CDH4: variants seen among roughly 807,000 people sequenced by gnomAD.
CDH4 encodes the protein cadherin 4, also known as cadherin-4.
Under a neutral mutation model 86.0 loss-of-function variants are expected in CDH4, and 33 were observed. The observed-to-expected ratio is 0.38, with a 90% CI of 0.29 to 0.51. CDH4 has a LOEUF of 0.51. CDH4 is among the 20% of genes least tolerant of loss of function. CDH4 has a pLI of 0.86. For synonymous variants in CDH4, 555 were observed against 549.4 expected (o/e 1.01, Z -0.14); for missense variants, 1,114 against 1,307.4 (o/e 0.85, Z 2.28).
At chr20:61,706,192 G>T (rs2087827883) in intron 2 of CDH4, among the ~76,000 whole-genome samples, 1 of 152,174 alleles carries the variant, frequency 6.6e-6, no homozygotes. Flanking sequence ...CAGCTGCGTT[G>T]CTCCCAGCTT....
intron 2 of CDH4, among the ~76,000 whole-genome samples, chr20:61,653,802 A>G (rs1359131828): frequency 1.2e-5 from 1 of 81,950 alleles, no homozygotes. Flanking sequence ...CCGGGCAGAG[A>G]CGCTCCTCAC....
At chr20:61,726,129 G>T (rs1207444028) in intron 2 of CDH4, among the ~76,000 whole-genome samples, 1 of 150,600 alleles carries the variant, frequency 6.6e-6, no homozygotes, top group African/African-American at 2.5e-5. Flanking sequence ...GGATAGTCTC[G>T]GGGGGGACTG....
intron 2 of CDH4, among the ~76,000 whole-genome samples, chr20:61,460,858 T>G (rs2085438036): frequency 6.6e-6 from 1 of 152,188 alleles, no homozygotes; most frequent in Non-Finnish European, 1.5e-5. Context: ...CCAGCTGTTC[T>G]GTGATTGTTG....
intron 2 of CDH4, among the ~76,000 whole-genome samples, chr20:61,624,315 C>T (rs2086808259): frequency 6.6e-6 from 1 of 152,238 alleles, no homozygotes; most frequent in African/African-American, 2.4e-5. Flanking sequence ...ACAAGTCATC[C>T]TGAAAGCCAT....
intron 6 of CDH4, among the ~76,000 whole-genome samples, chr20:61,867,897 G>A (rs998068756): frequency 2.6e-5 from 4 of 152,188 alleles, no homozygotes; most frequent in Non-Finnish European, 4.4e-5. Flanking sequence ...GCTGAGTTCC[G>A]ATGACTCCGG....
intron 2 of CDH4, among the ~76,000 whole-genome samples, chr20:61,289,076 T>A (rs2084307913): frequency 6.6e-6 from 1 of 152,238 alleles, no homozygotes; most frequent in South Asian, 2.1e-4. Context: ...AGAAGTTGTT[T>A]CTTCCCTAAG....
chr20:61,657,263 A>T (rs1268321428), intron 2 of CDH4, among the ~76,000 whole-genome samples: 2 of 152,194 alleles, frequency 1.3e-5, no homozygotes, highest in Admixed American at 1.3e-4. Flanking sequence ...GCTGCTAACA[A>T]AACAAGGTTG....
intron 2 of CDH4, among the ~76,000 whole-genome samples, chr20:61,461,762 CG>C (rs1043666883): frequency 4.6e-5 from 7 of 152,316 alleles, no homozygotes; most frequent in Non-Finnish European, 7.3e-5. Flanking sequence ...CCAACGGAGA[CG>C]CATGATGTTT....
At chr20:61,652,941 T>TTTTTA (rs1555819724) in intron 2 of CDH4, among the ~76,000 whole-genome samples, 54 of 116,016 alleles carry the variant, frequency 4.7e-4, no homozygotes, top group African/African-American at 1.6e-3. Context: ...TTTATTTATT[T>TTTTTA]TTTTTTTTTT....
At chr20:61,443,595 C>T (rs535351205) in intron 2 of CDH4, among the ~76,000 whole-genome samples, 296 of 152,358 alleles carry the variant, frequency 1.9e-3, no homozygotes, top group African/African-American at 6.9e-3. Context: ...CAGCCCTTTC[C>T]CTATTAGCTG....
intron 2 of CDH4, among the ~76,000 whole-genome samples, chr20:61,431,130 T>C (rs1274307647): frequency 6.6e-6 from 1 of 152,222 alleles, no homozygotes; most frequent in African/African-American, 2.4e-5. Context: ...ACCCAAGGAA[T>C]TCCCACTCCA....
At chr20:61,784,907 G>C (rs1411628910) in intron 4 of CDH4, among the ~76,000 whole-genome samples, 1 of 152,128 alleles carries the variant, frequency 6.6e-6, no homozygotes, top group African/African-American at 2.4e-5. Context: ...GCAAGTGCAG[G>C]CTGGATCCTG....
intron 2 of CDH4, among the ~76,000 whole-genome samples, chr20:61,430,306 C>A (rs560605878): frequency 6.6e-6 from 1 of 152,104 alleles, no homozygotes; most frequent in East Asian, 1.9e-4. Context: ...GAGAAGGGGG[C>A]GATATGTTTT....
At chr20:61,538,288 G>A (rs576693949) in intron 2 of CDH4, among the ~76,000 whole-genome samples, 7 of 152,256 alleles carry the variant, frequency 4.6e-5, no homozygotes, top group Non-Finnish European at 7.4e-5. Flanking sequence ...AGCTGTGCCC[G>A]TCACTCTGGG....
intron 4 of CDH4, among the ~76,000 whole-genome samples, chr20:61,838,012 C>T (rs1246131640): frequency 6.6e-6 from 1 of 152,058 alleles, no homozygotes; most frequent in Non-Finnish European, 1.5e-5. Flanking sequence ...CCATCCCCAC[C>T]TTTCTCTGCC....
rs1461423812 is a variant in CDH4, at chr20:61,518,733, T to C, written c.170-224830T>C. Among the ~76,000 whole-genome samples the C allele has an allele frequency of 6.6e-6, 1 of 151,530 alleles. No homozygotes were observed. Among genetic ancestry groups the C allele is most frequent in the Non-Finnish European group, 1.5e-5 (1 of 67,884 alleles). Reference sequence around the variant, plus strand: ...AATCATCCATCCGTTCATCCACCCATCATCCATTCATCCATCCATTCGTAC... The same window carrying C: ...AATCATCCATCCGTTCATCCACCCACCATCCATTCATCCATCCATTCGTAC... On this transcript the variant is annotated intron_variant, in intron 2 of 15. Coordinates refer to ENST00000614565, the MANE Select transcript of CDH4 (RefSeq NM_001794.5). This position sits in a 1 kb window ranked among gnomAD's most constrained non-coding sequence, Gnocchi z 6.3.
At chr20:61,319,820 G>C (rs893198075) in intron 2 of CDH4, among the ~76,000 whole-genome samples, 1 of 151,782 alleles carries the variant, frequency 6.6e-6, no homozygotes, top group Admixed American at 6.6e-5. Flanking sequence ...CAGGCGTGGT[G>C]TCAGGCACCT....
At chr20:61,596,787 C>T (rs1227756505) in intron 2 of CDH4, among the ~76,000 whole-genome samples, 1 of 152,174 alleles carries the variant, frequency 6.6e-6, no homozygotes, top group African/African-American at 2.4e-5. Flanking sequence ...TTTCCAGACT[C>T]CTTCCCACCC....
intron 8 of CDH4, among the ~76,000 whole-genome samples, chr20:61,900,136 G>A (rs1295842234): frequency 2.0e-5 from 3 of 152,208 alleles, no homozygotes; most frequent in African/African-American, 7.2e-5. Context: ...GGCTGACCCA[G>A]GGCAGCTCTC....
Sources: allele counts gnomAD v4.1 joint callset (sites outside exome capture counted in the v4.1 genomes callset), GRCh38; gene constraint gnomAD v4.1.1; non-coding constraint Gnocchi (gnomAD v3.1); transcripts MANE v1.5; gene names NCBI Gene and HGNC (gene_info 2026-07-23, HGNC 2026-07-21).